POM121C: variants seen among roughly 807,000 people sequenced by gnomAD.
POM121C encodes the protein POM121 transmembrane nucleoporin C.
A neutral mutation model predicts 66.4 loss-of-function variants in POM121C; 20 were observed. The observed-to-expected ratio is 0.30, with a 90% CI of 0.21 to 0.44. The LOEUF (loss-of-function observed/expected upper bound fraction) is 0.44, where lower values mean the gene tolerates loss of function less well. Ranked by LOEUF, POM121C falls within the 20% of genes least tolerant of loss-of-function variation. POM121C has a pLI of 1.00. For synonymous variants in POM121C, 286 were observed against 528.0 expected, an observed-to-expected ratio of 0.54 and a Z score of 6.28; for missense variants, 580 against 1,225.7, an observed-to-expected ratio of 0.47 and a Z score of 7.87.
chr7:75,454,560 G>C (rs1361918667), intron 3 of POM121C, among the ~76,000 whole-genome samples: 2 of 152,218 alleles, frequency 1.3e-5, no homozygotes, highest in Non-Finnish European at 2.9e-5. Context: ...AGGCTGGAGA[G>C]GACAATGGCA....
At chr7:75,477,110 T>TACACACACAC (rs57918412) in intron 1 of POM121C, among the ~76,000 whole-genome samples, 2,461 of 140,428 alleles carry the variant, frequency 0.018, 32 homozygotes, top group African/African-American at 0.029. Flanking sequence ...TTTGCGTGTA[T>TACACACACAC]ACACACACAC....
At position 75,428,825 on chromosome 7, in the gene POM121C, C is replaced by A. The variant is rs1342396538; in HGVS notation, c.481-2372G>T. ...TGAAACCTCATCTCTACTAGAAATACAAAAATTAGCCAGGTGTGGTGGTGC... is the reference window on the plus strand; with the variant it reads ...TGAAACCTCATCTCTACTAGAAATAAAAAAATTAGCCAGGTGTGGTGGTGC... On this transcript the variant is annotated intron_variant, in intron 7 of 14. Coordinates refer to ENST00000615331, the MANE Select transcript of POM121C (RefSeq NM_001099415.3). 4.0e-5 allele frequency among the ~76,000 whole-genome samples: 6 copies of A among 151,830 alleles called. No individual in the cohort carries two copies. In the East Asian group the frequency reaches 9.7e-4, roughly 25 times the overall value.
intron 7 of POM121C, among the ~76,000 whole-genome samples, chr7:75,435,932 T>C (rs1217385171): frequency 6.6e-6 from 1 of 152,060 alleles, no homozygotes; most frequent in Non-Finnish European, 1.5e-5. Context: ...GAGCCTGTAA[T>C]CCCAGCTACT....
At chr7:75,481,046 T>C (rs373599554) in intron 1 of POM121C, among the ~76,000 whole-genome samples, 4 of 139,620 alleles carry the variant, frequency 2.9e-5, no homozygotes, top group Admixed American at 2.2e-4. Context: ...TATATATATA[T>C]AAATATATAT....
intron 3 of POM121C, among the ~76,000 whole-genome samples, chr7:75,450,791 A>C (rs1790996700): frequency 6.6e-6 from 1 of 152,256 alleles, no homozygotes; most frequent in African/African-American, 2.4e-5. Flanking sequence ...AAATGAGAAG[A>C]ATCATCTAAA....
intron 1 of POM121C, 145 bp from the exon 2 acceptor site, chr7:75,475,333 A>T: frequency 1.1e-6 from 1 of 939,912 alleles, no homozygotes. Context: ...CATATTGGAA[A>T]CACATATCCT....
intron 3 of POM121C, among the ~76,000 whole-genome samples, chr7:75,467,362 A>G (rs1176305069): frequency 6.6e-6 from 1 of 151,764 alleles, no homozygotes; most frequent in Non-Finnish European, 1.5e-5. Context: ...AAACCCCATC[A>G]CTACTAAAAA....
chr7:75,440,883 G>A (rs587627982), intron 5 of POM121C, 71 bp downstream of exon 5: 21 of 1,611,784 alleles, frequency 1.3e-5, no homozygotes, highest in Admixed American at 8.4e-5. Context: ...GTATCTTTAC[G>A]GGAATGTCTA....
intron 7 of POM121C, among the ~76,000 whole-genome samples, chr7:75,429,062 T>C (rs782719167): frequency 2.0e-5 from 3 of 152,160 alleles, no homozygotes; most frequent in Non-Finnish European, 4.4e-5. Flanking sequence ...CTCTACTTCA[T>C]TGACTGTACG....
chr7:75,460,431 G>T (rs1160143783), intron 3 of POM121C, among the ~76,000 whole-genome samples: 1 of 151,910 alleles, frequency 6.6e-6, no homozygotes, highest in Non-Finnish European at 1.5e-5. Flanking sequence ...AAGCCCAGGA[G>T]GTCAAGGCTG....
chr7:75,485,509 AG>A (rs369992925), intron 1 of POM121C, among the ~76,000 whole-genome samples: 33 of 151,812 alleles, frequency 2.2e-4, no homozygotes, highest in Admixed American at 4.6e-4. Flanking sequence ...GGCAGGTCTA[AG>A]GGGGGGGATC....
chr7:75,424,198 G>T lies in POM121C; in HGVS notation c.899C>A (p.Thr300Asn). The T allele has an allele frequency of 1.2e-6, 2 of 1,612,032 alleles. No homozygotes were observed. The change falls in exon 12 of 15, where the codon ACC becomes AAC. Residue 300 changes from threonine (T) to asparagine (N), a missense_variant. By Grantham distance (65) the Thr-to-Asn change is moderately conservative. Transcript: ENST00000615331. ...SDAASNSVTE[T>N]PPTTQPSFTF... ...AAATGAAGGCTGAGTGGTAGGTGGG[G>T]TCTCAGTGACAGAGTTCGAGGCAGC... is the stretch of plus-strand genomic sequence containing the variant.
rs35108311 is a variant in POM121C at position 75,465,895 on chromosome 7, C to CAAAAAAA, written c.-152+8802_-152+8808dup. On this transcript the variant is annotated intron_variant, in intron 3 of 14. Coordinates refer to ENST00000615331, the MANE Select transcript of POM121C (RefSeq NM_001099415.3). ...CAGGCAACAGAGTGACACCCTGTCT[C>CAAAAAAA]AAAAAAAAAAAAAAAAAAAAAAAAA... 2.6e-4 allele frequency among the ~76,000 whole-genome samples: 4 copies of CAAAAAAA among 15,222 alleles called. 1 individual carries two copies. Among genetic ancestry groups the CAAAAAAA allele is most frequent in the Non-Finnish European group, 3.2e-4 (3 of 9,356 alleles). 10.0% of individuals were successfully genotyped at this position (15,222 alleles called of 152,430 possible). A position where few individuals can be genotyped will look rare whatever the true frequency, so the allele number is the denominator to read the frequency against.
intron 7 of POM121C, among the ~76,000 whole-genome samples, chr7:75,432,204 A>G (rs1377959399): frequency 3.0e-5 from 4 of 132,278 alleles, no homozygotes; most frequent in Non-Finnish European, 4.9e-5. Context: ...AAAAAAAAAA[A>G]GGTTAGCAAT....
intron 3 of POM121C, among the ~76,000 whole-genome samples, chr7:75,454,649 T>C (rs1341833780): frequency 3.3e-5 from 5 of 152,212 alleles, no homozygotes; most frequent in South Asian, 2.1e-4. Context: ...GGCCCCAGTA[T>C]AGAAGATCAA....
intron 3 of POM121C, 118 bp from the exon 4 acceptor site, chr7:75,441,765 A>G (rs1196752164): frequency 4.1e-6 from 4 of 970,152 alleles, no homozygotes; most frequent in Non-Finnish European, 6.0e-6. Context: ...CTTTCTACGC[A>G]ACACAGAACA....
intron 7 of POM121C, 69 bp downstream of exon 7, chr7:75,437,446 G>A (rs1790459799): frequency 6.5e-7 from 1 of 1,547,390 alleles, no homozygotes; most frequent in Non-Finnish European, 8.8e-7. Context: ...AAGCTACCAT[G>A]TCTGGCCCTA....
intron 1 of POM121C, among the ~76,000 whole-genome samples, chr7:75,479,784 G>A (rs3100006): frequency 1.2e-4 from 18 of 152,014 alleles, no homozygotes; most frequent in East Asian, 1.9e-4. Flanking sequence ...TCTTATTCTA[G>A]GAAAAATGGA....
intron 3 of POM121C, among the ~76,000 whole-genome samples, chr7:75,455,249 G>T (rs1223853385): frequency 3.3e-5 from 5 of 152,242 alleles, no homozygotes; most frequent in Non-Finnish European, 7.3e-5. Context: ...CTCAAGTTTT[G>T]CTCATTCTGC....
Sources: allele counts gnomAD v4.1 joint callset (sites outside exome capture counted in the v4.1 genomes callset), GRCh38; gene constraint gnomAD v4.1.1; transcripts MANE v1.5; gene names NCBI Gene and HGNC (gene_info 2026-07-23, HGNC 2026-07-21).